Variants in PTPRQ observed in about 807,000 individuals in gnomAD.
PTPRQ encodes the protein protein tyrosine phosphatase receptor type Q, also known as phosphatidylinositol phosphatase PTPRQ.
PTPRQ carries 199 observed loss-of-function variants against 246.0 expected under a neutral mutation model. That is an observed-to-expected ratio of 0.81 (90% CI 0.72 to 0.91). The LOEUF (loss-of-function observed/expected upper bound fraction) is 0.91. Ranked by LOEUF, PTPRQ falls within the 40% of genes least tolerant of loss-of-function variation. The probability of loss-of-function intolerance (pLI) is 0.00; values close to 1 mark genes in which losing one functional copy is unlikely to be tolerated. For synonymous variants in PTPRQ, 869 were observed against 853.2 expected (o/e 1.02, Z -0.32); for missense variants, 2,624 against 2,528.4 (o/e 1.04, Z -0.81).
intron 26 of PTPRQ, among the ~76,000 whole-genome samples, chr12:80,590,804 G>A (rs1897774385): frequency 6.6e-6 from 1 of 150,816 alleles, no homozygotes; most frequent in Non-Finnish European, 1.5e-5. Flanking sequence ...TTATAGCCAT[G>A]TTTCCCCCAT....
In PTPRQ at chr12:80,549,552, G is replaced by T; in HGVS notation, c.4103G>T (p.Gly1368Val). Residue 1368 changes from glycine (G) to valine (V), a missense_variant, in exon 25 of 45, where the codon GGA becomes GTA. Gly to Val is a moderately radical substitution (Grantham distance 109). Transcript: ENST00000644991. ...TGGGATCCACCCAAAAAGGCAAATG[G>T]AATAATAACGCAGTATATGGTAACA... ...VKWDPPKKAN[G>V]IITQYMVTVE... 6.4e-7 allele frequency: 1 copy of T among 1,551,100 alleles called. No individual in the cohort carries two copies. The highest frequency in any genetic ancestry group is 2.4e-5 in the East Asian group (1 of 40,908).
intron 8 of PTPRQ, among the ~76,000 whole-genome samples, chr12:80,476,890 C>T (rs1893827783): frequency 6.6e-6 from 1 of 152,002 alleles, no homozygotes; most frequent in Non-Finnish European, 1.5e-5. Flanking sequence ...CTTATAGTAA[C>T]CTGTATAGTA....
In PTPRQ at chr12:80,616,220, T is replaced by C. The variant is rs1898754728; in HGVS notation, c.5184T>C (p.Ala1728=). 2 of 1,491,182 alleles carry C rather than the reference T, an allele frequency of 1.3e-6. No homozygotes were observed. The highest frequency in any genetic ancestry group is 1.4e-5 in the African/African-American group (1 of 69,632). The allele number at this position is 1,491,182 out of a possible 1,614,324, so 92.4% of individuals were successfully genotyped here. A position where few individuals can be genotyped will look rare whatever the true frequency, so the allele number is the denominator to read the frequency against. The stretch of plus-strand genomic sequence containing the variant: ...TTTAGGTTTACGCAGTCAATAGTGC[T>C]GGTGCAGGTCCAAAGGTTCCGATGA... ...YNISVYAVNS[A]GAGPKVPMRI... The change falls in exon 30 of 45, where the codon GCT becomes GCC. Residue 1728 remains alanine, a synonymous_variant. Transcript: ENST00000644991.
At chr12:80,458,547 T>A (rs1272764321) in intron 4 of PTPRQ, among the ~76,000 whole-genome samples, 3 of 152,024 alleles carry the variant, frequency 2.0e-5, no homozygotes, top group Non-Finnish European at 4.4e-5. Flanking sequence ...TATTTTTTTT[T>A]TATCTCAGAC....
chr12:80,524,447 T>A (rs1277681536), intron 17 of PTPRQ, among the ~76,000 whole-genome samples: 1 of 152,144 alleles, frequency 6.6e-6, no homozygotes, highest in Non-Finnish European at 1.5e-5. Flanking sequence ...AACTTCTTTT[T>A]CTTTATGAAT....
At chr12:80,549,834 C>G (rs996814057) in intron 25 of PTPRQ, 100 bp downstream of exon 25, 6 of 1,404,540 alleles carry the variant, frequency 4.3e-6, no homozygotes, top group Non-Finnish European at 5.6e-6. Flanking sequence ...TCTAAACATA[C>G]AAAGCACATA....
At chr12:80,610,744 CA>C in intron 28 of PTPRQ, 119 bp downstream of exon 28, 9 of 1,251,768 alleles carry the variant, frequency 7.2e-6, no homozygotes, top group African/African-American at 1.5e-5. Flanking sequence ...AGCATATAAA[CA>C]AAAAAATTAG....
At chr12:80,447,884 C>A (rs1406703904) in intron 3 of PTPRQ, among the ~76,000 whole-genome samples, 1 of 151,936 alleles carries the variant, frequency 6.6e-6, no homozygotes, top group African/African-American at 2.4e-5. Flanking sequence ...ATTATTTGGG[C>A]TCTTTTTTGG....
chr12:80,636,316 T>C (rs1262661073), intron 35 of PTPRQ, among the ~76,000 whole-genome samples: 1 of 152,194 alleles, frequency 6.6e-6, no homozygotes, highest in African/African-American at 2.4e-5. Flanking sequence ...ATATCAAATA[T>C]GTAAAAAGAA....
At chr12:80,615,564 A>T (rs73150757) in intron 29 of PTPRQ, among the ~76,000 whole-genome samples, 26,767 of 151,060 alleles carry the variant, frequency 0.18, 2,916 homozygotes, top group Non-Finnish European at 0.24. Context: ...TGTGTATACA[A>T]ACAGAAATGT....
chr12:80,672,899 C>T (rs1400168409), intron 42 of PTPRQ, among the ~76,000 whole-genome samples: 2 of 151,970 alleles, frequency 1.3e-5, no homozygotes, highest in African/African-American at 4.8e-5. Context: ...ACAACACACC[C>T]TAAAATATTA....
chr12:80,514,640 G>GTT (rs1895234894), intron 17 of PTPRQ, among the ~76,000 whole-genome samples: 1 of 137,482 alleles, frequency 7.3e-6, no homozygotes. Flanking sequence ...AAATATATTT[G>GTT]TATATTTTGT....
At chr12:80,652,548 A>C (rs892261490) in intron 37 of PTPRQ, among the ~76,000 whole-genome samples, 196 bp from the exon 38 acceptor site, 4 of 152,006 alleles carry the variant, frequency 2.6e-5, no homozygotes, top group Non-Finnish European at 4.4e-5. Flanking sequence ...CAGCTGACCA[A>C]CTTTATTCAG....
chr12:80,466,000 G>T (rs1036441768), intron 6 of PTPRQ, among the ~76,000 whole-genome samples: 2 of 152,150 alleles, frequency 1.3e-5, no homozygotes, highest in Admixed American at 6.5e-5. Flanking sequence ...TGGAAGTTCT[G>T]GCCAGGGCAA....
At chr12:80,484,706 C>A in intron 9 of PTPRQ, 101 bp downstream of exon 9, 6 of 1,390,278 alleles carry the variant, frequency 4.3e-6, no homozygotes, top group Non-Finnish European at 5.8e-6. Flanking sequence ...AATATTTGAC[C>A]ACTTACTAGT....
intron 29 of PTPRQ, among the ~76,000 whole-genome samples, chr12:80,615,458 T>C (rs1174364769): frequency 6.6e-6 from 1 of 151,202 alleles, no homozygotes; most frequent in African/African-American, 2.4e-5. Flanking sequence ...CTCTGTTTAA[T>C]ATAGCAAGAT....
chr12:80,496,435 C>T lies in PTPRQ; in HGVS notation c.2176C>T (p.Pro726Ser). 1 of 1,550,756 alleles carries T rather than the reference C, an allele frequency of 6.4e-7. No individual in the cohort carries two copies. The highest frequency in any genetic ancestry group is 8.7e-7 in the Non-Finnish European group (1 of 1,146,470). ...TTDIILRNLRPHTLYNISVRS... is the reference protein window; with the variant it reads ...TTDIILRNLRSHTLYNISVRS... ...AGACATAATATTAAGGAACTTAAGA[C>T]CTCACACCCTCTATAACATTTCTGT... is the stretch of plus-strand genomic sequence containing the variant. Residue 726 changes from proline to serine, a missense_variant, in exon 14 of 45, where the codon CCT becomes TCT. By Grantham distance (74) the Pro-to-Ser change is moderately conservative. Coordinates refer to ENST00000644991, the MANE Select transcript of PTPRQ (RefSeq NM_001145026.2).
At chr12:80,497,262 C>T (rs1894657968) in intron 14 of PTPRQ, among the ~76,000 whole-genome samples, 1 of 151,608 alleles carries the variant, frequency 6.6e-6, no homozygotes, top group East Asian at 1.9e-4. Flanking sequence ...CTAGATGGTC[C>T]TATCTGGGGG....
chr12:80,524,908 G>T (rs1334602547), intron 17 of PTPRQ, among the ~76,000 whole-genome samples: 2 of 152,094 alleles, frequency 1.3e-5, no homozygotes, highest in Non-Finnish European at 2.9e-5. Flanking sequence ...ATTGGCCTTT[G>T]TTCTAAAAAT....
Sources: gnomAD v4.1 joint callset for allele counts (sites outside exome capture counted in the v4.1 genomes callset) on GRCh38, gnomAD v4.1.1 for gene constraint, MANE v1.5 for transcripts, NCBI Gene and HGNC (gene_info 2026-07-23, HGNC 2026-07-21) for gene names.